The following NEK1 variants were observed in gnomAD, a reference collection of about 807,000 sequenced individuals.
NEK1 encodes serine/threonine-protein kinase Nek1.
NEK1 carries 137 observed loss-of-function variants against 182.1 expected under a neutral mutation model. The observed-to-expected ratio is 0.75, with a 90% CI of 0.65 to 0.87. The LOEUF (loss-of-function observed/expected upper bound fraction) is 0.87. NEK1 is among the 40% of genes least tolerant of loss of function. The pLI is 0.00. For synonymous variants in NEK1, 513 were observed against 492.2 expected (o/e 1.04, Z -0.56); for missense variants, 1,391 against 1,494.4 (o/e 0.93, Z 1.14).
chr4:169,498,865 AT>A (rs1189876385), intron 23 of NEK1, among the ~76,000 whole-genome samples: 1 of 152,150 alleles, frequency 6.6e-6, no homozygotes, highest in Non-Finnish European at 1.5e-5. Flanking sequence ...ACTTTGGTGA[AT>A]CTGACAATTA....
At chr4:169,408,362 C>A (rs1052744043) in intron 31 of NEK1, among the ~76,000 whole-genome samples, 1 of 152,160 alleles carries the variant, frequency 6.6e-6, no homozygotes, top group Non-Finnish European at 1.5e-5. Flanking sequence ...TCACAGTACT[C>A]CTTGATAGAC....
At chr4:169,486,621 T>C (rs1749087828) in intron 23 of NEK1, among the ~76,000 whole-genome samples, 1 of 152,188 alleles carries the variant, frequency 6.6e-6, no homozygotes, top group Non-Finnish European at 1.5e-5. Context: ...CAAAACCTTA[T>C]CTTTGAAGAA....
intron 29 of NEK1, 33 bp downstream of exon 29, chr4:169,433,512 G>C: frequency 6.3e-7 from 1 of 1,580,454 alleles, no homozygotes; most frequent in East Asian, 2.2e-5. Context: ...AAAGGGACCT[G>C]GGTTTTAAAA....
At chr4:169,512,893 CAGTT>C (rs140062009) in intron 19 of NEK1, among the ~76,000 whole-genome samples, 129 of 152,226 alleles carry the variant, frequency 8.5e-4, no homozygotes, top group African/African-American at 2.9e-3. Context: ...TGTCAAGAAT[CAGTT>C]AGGCATATAT....
intron 23 of NEK1, among the ~76,000 whole-genome samples, chr4:169,486,007 C>T (rs1580108203): frequency 6.6e-6 from 1 of 152,034 alleles, no homozygotes; most frequent in Admixed American, 6.6e-5. Flanking sequence ...GTTCACACCA[C>T]GGCACTCCAG....
intron 26 of NEK1, among the ~76,000 whole-genome samples, chr4:169,471,554 T>C (rs1358577229): frequency 6.6e-6 from 1 of 152,104 alleles, no homozygotes; most frequent in African/African-American, 2.4e-5. Flanking sequence ...GTTTGAGGTG[T>C]CTGTCGTCCC....
chr4:169,606,160 G>A (rs1364399652), intron 2 of NEK1, among the ~76,000 whole-genome samples: 3 of 151,198 alleles, frequency 2.0e-5, no homozygotes, highest in Non-Finnish European at 2.9e-5. Context: ...GATGGGGAAA[G>A]CCATTCCATC....
intron 31 of NEK1, among the ~76,000 whole-genome samples, chr4:169,418,199 G>C (rs1734862849): frequency 6.6e-6 from 1 of 152,130 alleles, no homozygotes; most frequent in African/African-American, 2.4e-5. Context: ...TTGGAAATAA[G>C]TTAACTAGCT....
chr4:169,429,293 G>A (rs1736991179), intron 29 of NEK1, among the ~76,000 whole-genome samples: 1 of 152,106 alleles, frequency 6.6e-6, no homozygotes, highest in South Asian at 2.1e-4. Context: ...TATTGGCTGT[G>A]ACTCTCCTGG....
chr4:169,460,508 TG>T (rs1743767238), intron 27 of NEK1, among the ~76,000 whole-genome samples: 1 of 151,990 alleles, frequency 6.6e-6, no homozygotes, highest in Non-Finnish European at 1.5e-5. Flanking sequence ...AGCTATAAGA[TG>T]AGATTTGGGT....
intron 18 of NEK1, among the ~76,000 whole-genome samples, chr4:169,544,739 C>A (rs1460173875): frequency 6.7e-6 from 1 of 150,176 alleles, no homozygotes; most frequent in Non-Finnish European, 1.5e-5. Context: ...GGAATTTATC[C>A]ATTTCTTCAG....
intron 28 of NEK1, among the ~76,000 whole-genome samples, chr4:169,436,745 T>C (rs531203406): frequency 1.7e-4 from 26 of 152,278 alleles, no homozygotes; most frequent in African/African-American, 6.3e-4. Flanking sequence ...AGGGCAAAGA[T>C]GAAGTCAAGG....
intron 26 of NEK1, among the ~76,000 whole-genome samples, chr4:169,470,949 C>T (rs1297016596): frequency 6.6e-6 from 1 of 152,158 alleles, no homozygotes; most frequent in Non-Finnish European, 1.5e-5. Flanking sequence ...ACAAAGTTCT[C>T]TTGCTGTGTT....
intron 23 of NEK1, among the ~76,000 whole-genome samples, chr4:169,495,716 T>C (rs1561292989): frequency 6.6e-6 from 1 of 152,182 alleles, no homozygotes; most frequent in African/African-American, 2.4e-5. Context: ...TAGTTGTAGA[T>C]ATGCAGCATT....
In NEK1 at chr4:169,401,831, T is replaced by A. The variant is rs576806317; in HGVS notation, c.3404A>T (p.Gln1135Leu). ...CTGTTCCATCGAGGCCTGCAGCTCT[T>A]GTAAATCTGTGTCAGTTTCTTCAAA... ...IVFEETDTDL[Q>L]ELQASMEQLL... Residue 1135 changes from glutamine to leucine, a missense_variant, in exon 33 of 36, where the codon CAA (glutamine) becomes CTA (leucine). Coordinates refer to ENST00000507142, the MANE Select transcript of NEK1 (RefSeq NM_001199397.3). The A allele has an allele frequency of 1.7e-5, 27 of 1,612,478 alleles. No homozygotes were observed. Among genetic ancestry groups the A allele is most frequent in the Non-Finnish European group, 2.2e-5 (26 of 1,179,248 alleles).
intron 19 of NEK1, among the ~76,000 whole-genome samples, chr4:169,509,678 C>T (rs1753873319): frequency 6.6e-6 from 1 of 152,032 alleles, no homozygotes; most frequent in African/African-American, 2.4e-5. Context: ...TTAACATTTC[C>T]ACTGGAAATT....
At chr4:169,489,847 T>C (rs1749739925) in intron 23 of NEK1, among the ~76,000 whole-genome samples, 1 of 152,156 alleles carries the variant, frequency 6.6e-6, no homozygotes, top group Non-Finnish European at 1.5e-5. Flanking sequence ...CCCAAGCTAC[T>C]GGGGAATGCC....
At chr4:169,453,319 G>T (rs977516183) in intron 27 of NEK1, among the ~76,000 whole-genome samples, 4 of 152,128 alleles carry the variant, frequency 2.6e-5, no homozygotes, top group Non-Finnish European at 5.9e-5. Flanking sequence ...CTACTTTAAA[G>T]TTCATATGGA....
intron 31 of NEK1, among the ~76,000 whole-genome samples, chr4:169,407,930 C>T (rs1392848485): frequency 6.6e-6 from 1 of 152,214 alleles, no homozygotes; most frequent in East Asian, 1.9e-4. Flanking sequence ...TTATGAACTA[C>T]AAGTTGGTAA....
Sources: allele counts gnomAD v4.1 joint callset (sites outside exome capture counted in the v4.1 genomes callset), GRCh38; gene constraint gnomAD v4.1.1; transcripts MANE v1.5; gene names NCBI Gene and HGNC (gene_info 2026-07-23, HGNC 2026-07-21).